Variants in CA10 observed in about 807,000 individuals in gnomAD.
CA10 encodes carbonic anhydrase-related protein 10.
CA10 carries 14 observed loss-of-function variants against 44.2 expected under a neutral mutation model. That is an observed-to-expected ratio of 0.32 (90% CI 0.21 to 0.50). CA10 has a LOEUF of 0.50. Ranked by LOEUF, CA10 falls within the 20% of genes least tolerant of loss-of-function variation. The probability of loss-of-function intolerance (pLI) is 0.99; values close to 1 mark genes in which losing one functional copy is unlikely to be tolerated. For missense variants in CA10, 350 were observed against 409.7 expected, an observed-to-expected ratio of 0.85 and a Z score of 1.26; for synonymous variants, 159 against 141.6, an observed-to-expected ratio of 1.12 and a Z score of -0.87.
chr17:51,848,146 A>G (rs2143816740), intron 3 of CA10, among the ~76,000 whole-genome samples: 1 of 152,340 alleles, frequency 6.6e-6, no homozygotes, highest in East Asian at 1.9e-4. Flanking sequence ...AATGCAAGAA[A>G]GGATGAAAAA....
At chr17:51,863,462 G>A (rs1000486457) in intron 3 of CA10, among the ~76,000 whole-genome samples, 1 of 152,176 alleles carries the variant, frequency 6.6e-6, no homozygotes, top group Non-Finnish European at 1.5e-5. Context: ...CCATTGCTGG[G>A]TGAATGTGAT....
chr17:52,074,038 T>C (rs895608546), intron 1 of CA10, among the ~76,000 whole-genome samples: 4 of 152,180 alleles, frequency 2.6e-5, no homozygotes, highest in Non-Finnish European at 5.9e-5. Flanking sequence ...TGATTCTTCC[T>C]CTGGGTCTTG....
intron 3 of CA10, among the ~76,000 whole-genome samples, chr17:51,839,448 G>A (rs1474740086): frequency 2.5e-5 from 3 of 120,994 alleles, no homozygotes; most frequent in Admixed American, 1.2e-4. Flanking sequence ...AGCCCAGATC[G>A]CACCACTGCA....
At chr17:51,685,701 T>C (rs1914984888) in intron 4 of CA10, among the ~76,000 whole-genome samples, 2 of 152,176 alleles carry the variant, frequency 1.3e-5, no homozygotes, top group South Asian at 4.1e-4. Flanking sequence ...TGGTTTGCAT[T>C]ACACTGACCA....
At chr17:51,635,054 C>T (rs575636971) in intron 7 of CA10, among the ~76,000 whole-genome samples, 1 of 152,236 alleles carries the variant, frequency 6.6e-6, no homozygotes, top group East Asian at 1.9e-4. Flanking sequence ...GTACTGGTAA[C>T]CCCTAGTTGC....
intron 5 of CA10, 125 bp downstream of exon 5, chr17:51,653,516 T>C (rs7220388): frequency 0.72 from 469,311 of 656,272 alleles, 170,865 homozygotes; most frequent in Non-Finnish European, 0.76. Flanking sequence ...AAAGGCACCA[T>C]CCCATAGTTT....
At chr17:52,144,244 G>T (rs549478593) in intron 1 of CA10, among the ~76,000 whole-genome samples, 27 of 152,144 alleles carry the variant, frequency 1.8e-4, no homozygotes, top group Non-Finnish European at 3.4e-4. Flanking sequence ...AAATTGCAGG[G>T]TAAATAGTGT....
chr17:51,839,274 C>T (rs866368344), intron 3 of CA10, among the ~76,000 whole-genome samples: 4 of 152,104 alleles, frequency 2.6e-5, no homozygotes, highest in African/African-American at 7.2e-5. Flanking sequence ...GGGCGGATCA[C>T]GAGGTCAGGA....
intron 1 of CA10, among the ~76,000 whole-genome samples, chr17:52,123,371 G>GGTGTGTGTGTGTGTGTGTGT (rs34184028): frequency 2.1e-4 from 31 of 146,340 alleles, no homozygotes; most frequent in African/African-American, 8.0e-4. Flanking sequence ...ATATATATGG[G>GGTGTGTGTGTGTGTGTGTGT]GTGTGTGTGT....
chr17:52,090,906 CA>C lies in CA10; in HGVS notation c.62-18514del, dbSNP rs540749834. On this transcript the variant is annotated intron_variant, in intron 1 of 8. Coordinates refer to ENST00000451037, the MANE Select transcript of CA10 (RefSeq NM_020178.5). ...TAAGTGGATACCCCAGGGAAGTTACCATGAACCAAGGAAGACAAAGATTTAT... is the reference window on the plus strand; with the variant it reads ...TAAGTGGATACCCCAGGGAAGTTACCTGAACCAAGGAAGACAAAGATTTAT... 2.9e-4 allele frequency among the ~76,000 whole-genome samples: 44 copies of C among 152,266 alleles called. No individual in the cohort carries two copies. In the South Asian group the frequency reaches 8.3e-3, roughly 29 times the overall value.
intron 3 of CA10, among the ~76,000 whole-genome samples, chr17:51,869,984 T>C (rs1421413590): frequency 1.3e-5 from 2 of 152,192 alleles, no homozygotes; most frequent in Non-Finnish European, 2.9e-5. Flanking sequence ...GTTTTAGTGC[T>C]TGTCCGAGTC....
chr17:51,708,072 C>T (rs1207438952), intron 4 of CA10, among the ~76,000 whole-genome samples: 1 of 152,186 alleles, frequency 6.6e-6, no homozygotes, highest in East Asian at 1.9e-4. Flanking sequence ...CGTGATCTGT[C>T]CTTGCTGCTT....
intron 2 of CA10, among the ~76,000 whole-genome samples, chr17:52,031,912 T>G (rs1487176085): frequency 6.6e-6 from 1 of 152,136 alleles, no homozygotes; most frequent in Non-Finnish European, 1.5e-5. Context: ...ACCACATATT[T>G]AGGGCAATAC....
chr17:52,095,110 T>G (rs1016373472), intron 1 of CA10, among the ~76,000 whole-genome samples: 1 of 152,144 alleles, frequency 6.6e-6, no homozygotes, highest in Non-Finnish European at 1.5e-5. Flanking sequence ...TTTTTGTACA[T>G]TCATACAATG....
At chr17:51,854,985 A>G (rs1453078631) in intron 3 of CA10, among the ~76,000 whole-genome samples, 1 of 152,174 alleles carries the variant, frequency 6.6e-6, no homozygotes, top group East Asian at 1.9e-4. Flanking sequence ...CTCCAGAGTC[A>G]GTGCTCTGAT....
intron 6 of CA10, among the ~76,000 whole-genome samples, chr17:51,643,324 C>T (rs368899505): frequency 9.9e-5 from 15 of 152,060 alleles, no homozygotes; most frequent in South Asian, 2.1e-4. Flanking sequence ...CAATACACTA[C>T]GTTAAAAAAT....
intron 1 of CA10, among the ~76,000 whole-genome samples, chr17:52,123,371 G>GGTGGGTGTGT: frequency 6.8e-6 from 1 of 146,342 alleles, no homozygotes; most frequent in Admixed American, 6.8e-5. Context: ...ATATATATGG[G>GGTGGGTGTGT]GTGTGTGTGT....
chr17:51,701,564 G>C (rs1915605196), intron 4 of CA10, among the ~76,000 whole-genome samples: 1 of 151,920 alleles, frequency 6.6e-6, no homozygotes, highest in Non-Finnish European at 1.5e-5. Context: ...TATATGAGCT[G>C]GTAGGATCCC....
chr17:52,079,024 C>T (rs1987892452), intron 1 of CA10, among the ~76,000 whole-genome samples: 1 of 152,194 alleles, frequency 6.6e-6, no homozygotes, highest in Non-Finnish European at 1.5e-5. Flanking sequence ...TGGTGGCTTA[C>T]TCCTGTAATC....
Sources: allele counts gnomAD v4.1 joint callset (sites outside exome capture counted in the v4.1 genomes callset), GRCh38; gene constraint gnomAD v4.1.1; transcripts MANE v1.5; gene names NCBI Gene and HGNC (gene_info 2026-07-23, HGNC 2026-07-21).